The following PHKB variants were observed in gnomAD, a reference collection of about 807,000 sequenced individuals.
PHKB encodes phosphorylase b kinase regulatory subunit beta.
PHKB carries 122 observed loss-of-function variants against 152.1 expected under a neutral mutation model. The observed-to-expected ratio is 0.80, with a 90% confidence interval of 0.69 to 0.93. The LOEUF (loss-of-function observed/expected upper bound fraction) is 0.93. PHKB is among the 40% of genes least tolerant of loss of function. PHKB has a pLI of 0.00. For missense variants in PHKB, 1,304 were observed against 1,328.4 expected (o/e 0.98, Z 0.29); for synonymous variants, 436 against 464.9 (o/e 0.94, Z 0.80).
At chr16:47,499,641 G>A (rs746615940) in intron 2 of PHKB, 115 bp from the exon 3 acceptor site, 27 of 1,261,598 alleles carry the variant, frequency 2.1e-5, no homozygotes, top group Non-Finnish European at 2.9e-5. Flanking sequence ...ACTATAGCAA[G>A]TTTAGAAACA....
intron 1 of PHKB, among the ~76,000 whole-genome samples, chr16:47,488,659 A>G (rs765310257): frequency 2.2e-4 from 33 of 152,254 alleles, no homozygotes; most frequent in Admixed American, 1.2e-3. Context: ...AATCTTCTGC[A>G]TATGACTAGC....
chr16:47,516,117 G>C (rs1245009537), intron 6 of PHKB, among the ~76,000 whole-genome samples: 1 of 151,922 alleles, frequency 6.6e-6, no homozygotes, highest in African/African-American at 2.4e-5. Context: ...TAGTAGAGAC[G>C]GGGTTTCACC....
chr16:47,661,499 G>C (rs1414265176), intron 22 of PHKB, among the ~76,000 whole-genome samples: 1 of 152,176 alleles, frequency 6.6e-6, no homozygotes, highest in Non-Finnish European at 1.5e-5. Context: ...AAGCCAGCTT[G>C]TCACTTGTCT....
At chr16:47,673,130 T>A (rs1332563748) in intron 26 of PHKB, among the ~76,000 whole-genome samples, 2 of 1,296 alleles carry the variant, frequency 1.5e-3, no homozygotes, top group South Asian at 0.5. Flanking sequence ...CAATCTGGTA[T>A]TTTTTTTTTT....
intron 6 of PHKB, among the ~76,000 whole-genome samples, chr16:47,522,541 T>G (rs1970702002): frequency 6.8e-6 from 1 of 148,068 alleles, no homozygotes; most frequent in African/African-American, 2.5e-5. Flanking sequence ...ATTTTATTTA[T>G]TTTTTTTTTA....
chr16:47,562,133 C>T (rs1435332837), intron 7 of PHKB: 1 of 152,262 alleles, frequency 6.6e-6, no homozygotes, highest in Non-Finnish European at 1.5e-5. Flanking sequence ...GTTCACTGTC[C>T]CTGTGGCAGG....
chr16:47,606,293 T>A (rs1972322559), intron 13 of PHKB, among the ~76,000 whole-genome samples: 1 of 152,188 alleles, frequency 6.6e-6, no homozygotes, highest in Admixed American at 6.5e-5. Context: ...TTCCTAAAAC[T>A]GCAAATAAAT....
At chr16:47,626,564 G>A (rs1972713595) in intron 14 of PHKB, among the ~76,000 whole-genome samples, 1 of 152,152 alleles carries the variant, frequency 6.6e-6, no homozygotes, top group Non-Finnish European at 1.5e-5. Context: ...ATTCTCTAGT[G>A]AACTGAAAAG....
At chr16:47,506,778 A>C (rs2151646949) in intron 4 of PHKB, among the ~76,000 whole-genome samples, 1 of 152,338 alleles carries the variant, frequency 6.6e-6, no homozygotes, top group East Asian at 1.9e-4. Context: ...TTTGGGCCAC[A>C]CATAAAATAC....
chr16:47,488,049 C>T (rs549316553), intron 1 of PHKB, among the ~76,000 whole-genome samples: 1 of 152,316 alleles, frequency 6.6e-6, no homozygotes, highest in Admixed American at 6.5e-5. Flanking sequence ...TATATATTCC[C>T]ACCAGCAGTG....
chr16:47,500,425 A>C (rs1408722394), intron 3 of PHKB, among the ~76,000 whole-genome samples: 1 of 152,198 alleles, frequency 6.6e-6, no homozygotes, highest in Non-Finnish European at 1.5e-5. Context: ...AGGTTTGTAA[A>C]TCACCATTTT....
At chr16:47,488,065 G>C (rs1970079747) in intron 1 of PHKB, among the ~76,000 whole-genome samples, 1 of 152,142 alleles carries the variant, frequency 6.6e-6, no homozygotes, top group Non-Finnish European at 1.5e-5. Context: ...CAGTGTATAA[G>C]CGTTCCCTTT....
Position 47,629,041 on chromosome 16 carries a change from T to C in PHKB, c.1459-11994T>C, listed in dbSNP as rs1972769495. Among the ~76,000 whole-genome samples the C allele has an allele frequency of 3.9e-5, 6 of 152,178 alleles. No individual in the cohort carries two copies. The South Asian group carries it at 1.2e-3, about 32-fold the overall frequency. On this transcript the variant is annotated intron_variant, in intron 14 of 30. Transcript: ENST00000323584. ...ATCAATTCAAGATGGATTAAAGACTTAAATGTTAGACCTAAAACCATAAAA... is the reference window on the plus strand; with the variant it reads ...ATCAATTCAAGATGGATTAAAGACTCAAATGTTAGACCTAAAACCATAAAA...
chr16:47,466,463 G>T (rs1322002240), intron 1 of PHKB, among the ~76,000 whole-genome samples: 2 of 152,176 alleles, frequency 1.3e-5, no homozygotes, highest in Non-Finnish European at 2.9e-5. Flanking sequence ...TTGTGATGAG[G>T]TAGGAAACGG....
intron 17 of PHKB, 99 bp from the exon 18 acceptor site, chr16:47,649,001 A>G (rs896342594): frequency 1.3e-6 from 1 of 761,246 alleles, no homozygotes; most frequent in Non-Finnish European, 2.4e-6. Context: ...CTTATTCAGA[A>G]TTAGACATCA....
At chr16:47,469,498 A>G (rs1969726736) in intron 1 of PHKB, among the ~76,000 whole-genome samples, 1 of 152,182 alleles carries the variant, frequency 6.6e-6, no homozygotes, top group Admixed American at 6.5e-5. Flanking sequence ...TTAACACAAG[A>G]ACAGAAAACC....
intron 13 of PHKB, among the ~76,000 whole-genome samples, chr16:47,609,388 A>G (rs1962530265): frequency 7.6e-6 from 1 of 131,268 alleles, no homozygotes; most frequent in Non-Finnish European, 1.5e-5. Flanking sequence ...TGGTATTAGA[A>G]TAATACTGAC....
rs1360145915 is a variant in PHKB at position 47,461,371 on chromosome 16, C to T, written c.21C>T (p.Leu7=). Residue 7 remains leucine, a synonymous_variant, in exon 1 of 31, where the codon CTC becomes CTT. Transcript: ENST00000323584. ...GCGCGATGGCGGGGGCGGCGGGACTCACGGCAGAAGTGAGCTGGAAGGTCT... is the reference window on the plus strand; with the variant it reads ...GCGCGATGGCGGGGGCGGCGGGACTTACGGCAGAAGTGAGCTGGAAGGTCT... MAGAAG[L]TAEVSWKVLE... 9 of 1,611,944 alleles carry T rather than the reference C, an allele frequency of 5.6e-6. No individual in the cohort carries two copies. The highest frequency in any genetic ancestry group is 6.8e-6 in the Non-Finnish European group (8 of 1,179,588).
intron 30 of PHKB, 62 bp downstream of exon 30, chr16:47,698,650 TAAAA>T: frequency 7.7e-7 from 1 of 1,300,706 alleles, no homozygotes. Flanking sequence ...CTCAATTCTT[TAAAA>T]TATCCCTAAT....
Sources: gnomAD v4.1 joint callset for allele counts (sites outside exome capture counted in the v4.1 genomes callset) on GRCh38, gnomAD v4.1.1 for gene constraint, MANE v1.5 for transcripts, NCBI Gene and HGNC (gene_info 2026-07-23, HGNC 2026-07-21) for gene names.